The following CDK14 variants were observed in gnomAD, a reference collection of about 807,000 sequenced individuals.
CDK14 encodes the protein cyclin dependent kinase 14.
In CDK14, 34 loss-of-function variants were observed where a neutral mutation model predicts 60.7. The ratio of observed to expected loss-of-function variants is 0.56; its 90% CI spans 0.43 to 0.75. CDK14 has a LOEUF of 0.75. CDK14 is among the 30% of genes least tolerant of loss of function. The pLI is 0.00. For synonymous variants in CDK14, 197 were observed against 203.7 expected, an observed-to-expected ratio of 0.97 and a Z score of 0.28; for missense variants, 482 against 564.1, an observed-to-expected ratio of 0.85 and a Z score of 1.47.
chr7:91,160,282 T>A (rs941770637), intron 14 of CDK14, among the ~76,000 whole-genome samples: 1 of 152,138 alleles, frequency 6.6e-6, no homozygotes, highest in Non-Finnish European at 1.5e-5. Flanking sequence ...AAGCATCTAA[T>A]GTGAGCTACA....
At chr7:91,085,494 A>C (rs1798614777) in intron 12 of CDK14, among the ~76,000 whole-genome samples, 1 of 152,150 alleles carries the variant, frequency 6.6e-6, no homozygotes, top group Non-Finnish European at 1.5e-5. Flanking sequence ...GATTGGGCCC[A>C]CCTGGTTAAT....
At chr7:91,025,161 C>T (rs1038248990) in intron 10 of CDK14, among the ~76,000 whole-genome samples, 1 of 152,040 alleles carries the variant, frequency 6.6e-6, no homozygotes. Context: ...CTTTTCATGG[C>T]ATACATTAAT....
At chr7:91,038,994 CA>C (rs1797008142) in intron 10 of CDK14, among the ~76,000 whole-genome samples, 1 of 152,158 alleles carries the variant, frequency 6.6e-6, no homozygotes, top group African/African-American at 2.4e-5. Flanking sequence ...TGGACTAATA[CA>C]GGGGTGTTCC....
intron 5 of CDK14, among the ~76,000 whole-genome samples, chr7:90,845,714 C>T (rs1482443920): frequency 1.3e-5 from 2 of 152,006 alleles, no homozygotes; most frequent in Non-Finnish European, 2.9e-5. Flanking sequence ...TCAATGCTAA[C>T]CTTTTAATAG....
chr7:90,775,991 A>G (rs1805030856), intron 4 of CDK14, among the ~76,000 whole-genome samples: 3 of 152,176 alleles, frequency 2.0e-5, no homozygotes, highest in South Asian at 4.2e-4. Flanking sequence ...AAATCTCAGT[A>G]TGTGTGAAAA....
chr7:90,805,859 A>G (rs1034479772), intron 5 of CDK14, among the ~76,000 whole-genome samples: 11 of 152,170 alleles, frequency 7.2e-5, no homozygotes, highest in Admixed American at 5.2e-4. Context: ...AAAATGAACA[A>G]AGTAGGAAGA....
At chr7:90,982,054 T>C (rs1311267107) in intron 9 of CDK14, among the ~76,000 whole-genome samples, 1 of 152,220 alleles carries the variant, frequency 6.6e-6, no homozygotes, top group Non-Finnish European at 1.5e-5. Flanking sequence ...TTATTCCTGT[T>C]GGGCTTGGTG....
chr7:91,045,634 A>G (rs987887753), intron 10 of CDK14, among the ~76,000 whole-genome samples: 11 of 152,302 alleles, frequency 7.2e-5, no homozygotes, highest in Non-Finnish European at 1.5e-4. Context: ...TCCTTAGCCT[A>G]CTTATTAAGT....
intron 11 of CDK14, among the ~76,000 whole-genome samples, chr7:91,047,935 A>G (rs751448790): frequency 1.3e-5 from 2 of 152,136 alleles, no homozygotes; most frequent in Admixed American, 6.5e-5. Context: ...GAAAATATAC[A>G]AGCCCAAAAA....
intron 9 of CDK14, among the ~76,000 whole-genome samples, chr7:90,972,819 T>G (rs1174077167): frequency 6.6e-6 from 1 of 152,204 alleles, no homozygotes. Flanking sequence ...TTACCCAAAT[T>G]CCTTTACATT....
At chr7:90,838,801 A>G (rs978643316) in intron 5 of CDK14, among the ~76,000 whole-genome samples, 2 of 152,162 alleles carry the variant, frequency 1.3e-5, no homozygotes, top group Non-Finnish European at 2.9e-5. Context: ...ATGTTTATCA[A>G]GACAATGCGT....
At chr7:91,007,581 A>G (rs1254889602) in intron 10 of CDK14, among the ~76,000 whole-genome samples, 3 of 152,186 alleles carry the variant, frequency 2.0e-5, no homozygotes, top group Non-Finnish European at 4.4e-5. Context: ...TTGGCAGCCA[A>G]GCAAATCCAC....
chr7:90,641,571 G>A (rs1800334097), intron 2 of CDK14, among the ~76,000 whole-genome samples: 1 of 151,850 alleles, frequency 6.6e-6, no homozygotes, highest in Admixed American at 6.6e-5. Flanking sequence ...TCCAAAATAG[G>A]TAAATCTATA....
intron 9 of CDK14, among the ~76,000 whole-genome samples, chr7:90,970,212 C>T (rs546074883): frequency 3.9e-5 from 6 of 152,202 alleles, no homozygotes; most frequent in East Asian, 3.9e-4. Context: ...GTGATCCACC[C>T]GCCTCTGCTT....
intron 2 of CDK14, among the ~76,000 whole-genome samples, chr7:90,707,044 C>G (rs1269867461): frequency 6.6e-6 from 1 of 152,142 alleles, no homozygotes; most frequent in Non-Finnish European, 1.5e-5. Context: ...GGGCCCAGCT[C>G]TGTTTCTAGG....
chr7:90,883,954 A>G (rs1027581579), intron 6 of CDK14, among the ~76,000 whole-genome samples: 1 of 152,186 alleles, frequency 6.6e-6, no homozygotes, highest in African/African-American at 2.4e-5. Context: ...AGTGAGAGCT[A>G]TTTATGACAA....
intron 12 of CDK14, among the ~76,000 whole-genome samples, chr7:91,103,844 A>AGAGAGAGAGAGAGAGAGAG (rs1562905796): frequency 6.9e-6 from 1 of 144,814 alleles, no homozygotes; most frequent in African/African-American, 2.5e-5. Context: ...GAGAGAGAGA[A>AGAGAGAGAGAGAGAGAGAG]AGAGAGAGAG....
intron 14 of CDK14, among the ~76,000 whole-genome samples, chr7:91,205,797 A>T (rs924615725): frequency 3.3e-5 from 5 of 151,650 alleles, no homozygotes; most frequent in Non-Finnish European, 5.9e-5. Flanking sequence ...TTTTATTTTT[A>T]TTTTTTTTAT....
intron 4 of CDK14, among the ~76,000 whole-genome samples, chr7:90,772,518 G>C (rs940484683): frequency 2.6e-5 from 4 of 152,162 alleles, no homozygotes; most frequent in African/African-American, 9.7e-5. Context: ...CCCCGTTGCT[G>C]TTCTCATGAT....
Sources: allele counts gnomAD v4.1 joint callset (sites outside exome capture counted in the v4.1 genomes callset), GRCh38; gene constraint gnomAD v4.1.1; transcripts MANE v1.5; gene names NCBI Gene and HGNC (gene_info 2026-07-23, HGNC 2026-07-21).